Variants in GPR158 observed in about 807,000 individuals in gnomAD.
GPR158 encodes the protein metabotropic glycine receptor.
A neutral mutation model predicts 78.2 loss-of-function variants in GPR158; 30 were observed. The observed-to-expected ratio is 0.38, with a 90% confidence interval of 0.29 to 0.52. The LOEUF is 0.52. GPR158 is among the 20% of genes least tolerant of loss of function. GPR158 has a pLI of 0.83. For synonymous variants in GPR158, 581 were observed against 591.1 expected, an observed-to-expected ratio of 0.98 and a Z score of 0.25; for missense variants, 1,463 against 1,523.5, an observed-to-expected ratio of 0.96 and a Z score of 0.66.
intron 2 of GPR158, among the ~76,000 whole-genome samples, chr10:25,342,912 G>C (rs1855322264): frequency 6.6e-6 from 1 of 151,794 alleles, no homozygotes; most frequent in South Asian, 2.1e-4. Flanking sequence ...TCAGCAGATG[G>C]GGAGTGTACT....
rs117960108 is a variant in GPR158, at chr10:25,231,195, G to T, written c.1008+10038G>T. 5.4e-4 allele frequency among the ~76,000 whole-genome samples: 82 copies of T among 152,250 alleles called. No individual in the cohort carries two copies. In the South Asian group the frequency reaches 0.016, roughly 30 times the overall value. On this transcript the variant is annotated intron_variant, in intron 2 of 10. Transcript: ENST00000376351. ...TTCAAGCTAGCTTATAGGAGTTGAT[G>T]TCCAGTTACCCCTTAAGCACTTTTA...
intron 2 of GPR158, among the ~76,000 whole-genome samples, chr10:25,297,514 T>C (rs1854533194): frequency 9.8e-6 from 1 of 102,228 alleles, no homozygotes. Flanking sequence ...AGCATAAACG[T>C]TTTTTTTACA....
chr10:25,531,323 T>C (rs1836419600), intron 5 of GPR158, among the ~76,000 whole-genome samples: 1 of 152,126 alleles, frequency 6.6e-6, no homozygotes, highest in Admixed American at 6.6e-5. Flanking sequence ...ATCAAGTAGG[T>C]AACAAAAAGT....
At chr10:25,465,998 C>T (rs2130616840) in intron 4 of GPR158, among the ~76,000 whole-genome samples, 1 of 152,268 alleles carries the variant, frequency 6.6e-6, no homozygotes, top group Admixed American at 6.5e-5. Context: ...AGTTTAAGCT[C>T]TAGCTGCAGC....
chr10:25,281,670 GA>G (rs976984575), intron 2 of GPR158, among the ~76,000 whole-genome samples: 58 of 151,568 alleles, frequency 3.8e-4, no homozygotes, highest in African/African-American at 1.3e-3. Context: ...ACTTAAGGAG[GA>G]AAAAAAGGCT....
chr10:25,531,660 T>C (rs542293564), intron 5 of GPR158, among the ~76,000 whole-genome samples: 1 of 152,308 alleles, frequency 6.6e-6, no homozygotes, highest in African/African-American at 2.4e-5. Flanking sequence ...TGAGGGAATT[T>C]ATAAGGATCT....
chr10:25,398,584 G>T (rs2130532358), intron 3 of GPR158, among the ~76,000 whole-genome samples: 1 of 152,296 alleles, frequency 6.6e-6, no homozygotes. Context: ...ACTACCAGGA[G>T]AAACTGGTTA....
intron 5 of GPR158, among the ~76,000 whole-genome samples, chr10:25,511,210 A>AT (rs1183311495): frequency 6.6e-6 from 1 of 152,014 alleles, no homozygotes; most frequent in East Asian, 1.9e-4. Flanking sequence ...AACATCTATT[A>AT]TTTTTTGAAT....
intron 4 of GPR158, among the ~76,000 whole-genome samples, chr10:25,426,356 A>G (rs566839616): frequency 1.3e-5 from 2 of 152,214 alleles, no homozygotes; most frequent in East Asian, 1.9e-4. Context: ...TTTCCTTTGC[A>G]TATACTACTT....
intron 2 of GPR158, among the ~76,000 whole-genome samples, chr10:25,254,111 C>T (rs996507588): frequency 6.6e-6 from 1 of 152,140 alleles, no homozygotes; most frequent in African/African-American, 2.4e-5. Context: ...GAAATGTTAT[C>T]GGTTTTTAAG....
chr10:25,241,912 A>C (rs920447401), intron 2 of GPR158, among the ~76,000 whole-genome samples: 3 of 152,168 alleles, frequency 2.0e-5, no homozygotes, highest in African/African-American at 7.2e-5. Flanking sequence ...TAGTTGAGAC[A>C]CTCCAATGGA....
chr10:25,326,761 A>G (rs1291336788), intron 2 of GPR158, among the ~76,000 whole-genome samples: 1 of 152,200 alleles, frequency 6.6e-6, no homozygotes, highest in East Asian at 1.9e-4. Context: ...TGTTTTTACT[A>G]TAAATAAGTA....
At chr10:25,273,123 C>T (rs563601641) in intron 2 of GPR158, among the ~76,000 whole-genome samples, 1 of 152,280 alleles carries the variant, frequency 6.6e-6, no homozygotes, top group South Asian at 2.1e-4. Flanking sequence ...TTTCTGGTTC[C>T]TGAAAATGCA....
At position 25,318,811 on chromosome 10, in the gene GPR158, T is replaced by C. The variant is rs147572493; in HGVS notation, c.1009-77100T>C. ...GCTTTAAATCCATCAGTTGCTTATA[T>C]ACTTCAATCAGGTGCAGTTACTGTA... On this transcript the variant is annotated intron_variant, in intron 2 of 10. Coordinates refer to ENST00000376351, the MANE Select transcript of GPR158 (RefSeq NM_020752.3). 1.5e-3 allele frequency among the ~76,000 whole-genome samples: 221 copies of C among 152,370 alleles called. 2 individuals are homozygous for C. Among genetic ancestry groups the C allele is most frequent in the African/African-American group, 5.1e-3 (212 of 41,596 alleles).
chr10:25,407,097 C>A (rs1257406145), intron 3 of GPR158, among the ~76,000 whole-genome samples: 1 of 152,174 alleles, frequency 6.6e-6, no homozygotes, highest in African/African-American at 2.4e-5. Flanking sequence ...TTTACACCTT[C>A]TTTTAGGAGT....
intron 1 of GPR158, among the ~76,000 whole-genome samples, chr10:25,186,960 AT>A (rs1172184108): frequency 0.013 from 1,554 of 119,226 alleles, 8 homozygotes; most frequent in South Asian, 0.027. Flanking sequence ...TCCCTAACTC[AT>A]TTTTTTTTTT....
At chr10:25,438,433 G>T (rs1210487390) in intron 4 of GPR158, among the ~76,000 whole-genome samples, 1 of 152,184 alleles carries the variant, frequency 6.6e-6, no homozygotes, top group Non-Finnish European at 1.5e-5. Flanking sequence ...TTTGCAAATG[G>T]CACTTTGTTT....
At chr10:25,364,515 G>A (rs999850302) in intron 2 of GPR158, among the ~76,000 whole-genome samples, 5 of 151,830 alleles carry the variant, frequency 3.3e-5, no homozygotes, top group Non-Finnish European at 7.4e-5. Flanking sequence ...TCTCACAAAG[G>A]AAATGAGGGT....
chr10:25,598,272 T>C lies in GPR158; in HGVS notation c.2646T>C (p.Ala882=). ...SVPLVCKSAS[A]HNLSSEKKTG... is the part of the protein sequence containing the mutation. ...CGTTGGTGTGCAAGTCAGCAAGCGC[T>C]CACAACCTCAGCTCAGAGAAGAAAA... The change falls in exon 11 of 11, where the codon GCT becomes GCC. Residue 882 remains alanine (A), a synonymous_variant. Transcript: ENST00000376351. 6 of 1,613,902 alleles carry C rather than the reference T, an allele frequency of 3.7e-6. No homozygotes were observed. Among genetic ancestry groups the C allele is most frequent in the Non-Finnish European group, 4.2e-6 (5 of 1,179,988 alleles).
Sources: gnomAD v4.1 joint callset for allele counts (sites outside exome capture counted in the v4.1 genomes callset) on GRCh38, gnomAD v4.1.1 for gene constraint, MANE v1.5 for transcripts, NCBI Gene and HGNC (gene_info 2026-07-23, HGNC 2026-07-21) for gene names.